The following DENND4B variants were observed in gnomAD, a reference collection of about 807,000 sequenced individuals.
DENND4B encodes the protein DENN domain-containing protein 4B.
In DENND4B, 67 loss-of-function variants were observed where a neutral mutation model predicts 161.0. The observed-to-expected ratio is 0.42, with a 90% CI of 0.34 to 0.51. DENND4B has a LOEUF of 0.51. Among genes scored for constraint, DENND4B ranks in the 20% least tolerant of loss-of-function variants. The pLI is 0.08. For synonymous variants in DENND4B, 753 were observed against 813.8 expected (o/e 0.93, Z 1.27); for missense variants, 1,481 against 1,968.0 (o/e 0.75, Z 4.68).
At position 153,939,716 on chromosome 1, in the gene DENND4B, G is replaced by A. The variant is rs369276649; in HGVS notation, c.1692C>T (p.Arg564=). 511 of 1,613,832 alleles carry A rather than the reference G, an allele frequency of 3.2e-4. No individual in the cohort carries two copies. The highest frequency in any genetic ancestry group is 3.7e-4 in the Non-Finnish European group (439 of 1,179,890). ...AGCGGAGGAAGGCTCCTTGGACTTC[G>A]CGCTCCAGCCGGGCCCTGCGGCCAC... ...AVCGRRARLE[R]EVQGAFLRFM... Residue 564 remains arginine, a synonymous_variant, in exon 12 of 28, where the codon CGC becomes CGT. Coordinates refer to ENST00000361217, the MANE Select transcript of DENND4B (RefSeq NM_014856.3).
chr1:153,931,680 G>T (rs1678945149), intron 24 of DENND4B, among the ~76,000 whole-genome samples: 1 of 149,652 alleles, frequency 6.7e-6, no homozygotes, highest in African/African-American at 2.5e-5. Flanking sequence ...TGTATTTTTA[G>T]TAACACGGGG....
chr1:153,938,826 A>AAT lies in DENND4B; in HGVS notation c.1965+73_1965+74insAT. 2.0e-6 allele frequency: 3 copies of AAT among 1,517,630 alleles called. No individual in the cohort carries two copies. In the South Asian group the frequency reaches 3.6e-5, roughly 18 times the overall value. 94.0% of individuals were successfully genotyped at this position (1,517,630 alleles called of 1,614,324 possible). A position where few individuals can be genotyped will look rare whatever the true frequency, so the allele number is the denominator to read the frequency against. ...ACCCTGAACATGCCCGATTCCGTCT[A>AAT]AAATGGCCTTGGGGCAACAGAGACA... On this transcript the variant is annotated intron_variant, in intron 13 of 27. Coordinates refer to ENST00000361217, the MANE Select transcript of DENND4B (RefSeq NM_014856.3).
Position 153,942,833 on chromosome 1 carries a change from C to G in DENND4B, c.570+45G>C. 1 of 1,561,334 alleles carries G rather than the reference C, an allele frequency of 6.4e-7. No individual in the cohort carries two copies. Among genetic ancestry groups the G allele is most frequent in the Non-Finnish European group, 8.7e-7 (1 of 1,149,716 alleles). On this transcript the variant is annotated intron_variant, in intron 3 of 27. Coordinates refer to ENST00000361217, the MANE Select transcript of DENND4B (RefSeq NM_014856.3). This position sits in a 1 kb window ranked among gnomAD's most constrained non-coding sequence, Gnocchi z 6.9. Reference sequence around the variant, plus strand: ...CCTTTGTTCCCAGTGTCCACACCCACTCTTACACCAAGAGGACCAGGTGTC... The same window carrying G: ...CCTTTGTTCCCAGTGTCCACACCCAGTCTTACACCAAGAGGACCAGGTGTC...
In DENND4B at chr1:153,936,320, C is replaced by G; in HGVS notation, c.2440-132G>C. 2 of 1,348,018 alleles carry G rather than the reference C, an allele frequency of 1.5e-6. No homozygotes were observed. The highest frequency in any genetic ancestry group is 2.0e-6 in the Non-Finnish European group (2 of 990,850). 83.5% of individuals were successfully genotyped at this position (1,348,018 alleles called of 1,614,324 possible). ...CCCCTGGCAGGTCCTGGGGCTACCT[C>G]AGAGCCACCCACCCTTTCTGCTGAC... On this transcript the variant is annotated intron_variant, in intron 16 of 27. Transcript: ENST00000361217. This position sits in a 1 kb window ranked among gnomAD's most constrained non-coding sequence, Gnocchi z 4.1.
rs1227022917 is a variant in DENND4B at position 153,938,701 on chromosome 1, CA to C, written c.1965+198del. Among the ~76,000 whole-genome samples, 980 of 105,916 alleles carry C rather than the reference CA, an allele frequency of 9.3e-3. 17 individuals are homozygous for C. Among genetic ancestry groups the C allele is most frequent in the Admixed American group, 0.051 (550 of 10,772 alleles). 69.5% of individuals were successfully genotyped at this position (105,916 alleles called of 152,430 possible). On this transcript the variant is annotated intron_variant, in intron 13 of 27. Coordinates refer to ENST00000361217, the MANE Select transcript of DENND4B (RefSeq NM_014856.3). ...TGGGCGACAGAGCAAGACTTCGTTTCAAAAAAAAAAAATGAAAAATAAGAAA... is the reference window on the plus strand; with the variant it reads ...TGGGCGACAGAGCAAGACTTCGTTTCAAAAAAAAAAATGAAAAATAAGAAA...
intron 12 of DENND4B, among the ~76,000 whole-genome samples, 182 bp downstream of exon 12, chr1:153,939,407 C>G (rs989399301): frequency 6.6e-6 from 1 of 152,060 alleles, no homozygotes; most frequent in African/African-American, 2.4e-5. Context: ...ATCTTTGTAC[C>G]CTGATTCCCC....
chr1:153,941,773 C>CCGGGCG, intron 6 of DENND4B, 96 bp downstream of exon 6: 1 of 1,426,302 alleles, frequency 7.0e-7, no homozygotes, highest in African/African-American at 1.4e-5. Flanking sequence ...ACCCTGTGCC[C>CCGGGCG]AGCCCTCCCC....
rs773471488 is a variant in DENND4B at position 153,930,618 on chromosome 1, G to C, written c.4281-15C>G. 1.2e-6 allele frequency: 2 copies of C among 1,613,862 alleles called. No homozygotes were observed. Among genetic ancestry groups the C allele is most frequent in the South Asian group, 2.2e-5 (2 of 91,084 alleles). On this transcript the variant is annotated splice_polypyrimidine_tract_variant and intron_variant, in intron 26 of 27. Transcript: ENST00000361217. This position sits in a 1 kb window ranked among gnomAD's most constrained non-coding sequence, Gnocchi z 4.7. Reference sequence around the variant, plus strand: ...GGTAGATTCCCCTTTAGTGGAGGCAGAAGTGTATGAGTGAGAGAAAAGGGG... The same window carrying C: ...GGTAGATTCCCCTTTAGTGGAGGCACAAGTGTATGAGTGAGAGAAAAGGGG...
chr1:153,939,931 C>T, intron 11 of DENND4B, 127 bp from the exon 12 acceptor site: 2 of 938,960 alleles, frequency 2.1e-6, no homozygotes, highest in East Asian at 2.6e-5. Context: ...TAAAGTATTA[C>T]CTTCAACTAA....
chr1:153,938,358 G>A (rs765417081), intron 13 of DENND4B, among the ~76,000 whole-genome samples: 1 of 149,370 alleles, frequency 6.7e-6, no homozygotes, highest in Non-Finnish European at 1.5e-5. Context: ...GCAGTGAGCC[G>A]ATATCGCGCC....
intron 24 of DENND4B, among the ~76,000 whole-genome samples, chr1:153,931,695 AC>A (rs1199148964): frequency 6.7e-6 from 1 of 150,120 alleles, no homozygotes; most frequent in Non-Finnish European, 1.5e-5. Context: ...ACGGGGTTTC[AC>A]CGTGTTAGCC....
Position 153,936,495 on chromosome 1 carries a change from A to G in DENND4B, c.2439+47T>C. ...CTCTCACAGCCCTCTCCAGCTGCAC[A>G]AGGCTCACTGGGCCTGGGTATGAGC... On this transcript the variant is annotated intron_variant, in intron 16 of 27. Transcript: ENST00000361217. This position sits in a 1 kb window ranked among gnomAD's most constrained non-coding sequence, Gnocchi z 4.1. 2 of 1,500,784 alleles carry G rather than the reference A, an allele frequency of 1.3e-6. No homozygotes were observed. The highest frequency in any genetic ancestry group is 2.6e-5 in the South Asian group (2 of 76,462). 93.0% of individuals were successfully genotyped at this position (1,500,784 alleles called of 1,614,324 possible).
At position 153,932,141 on chromosome 1, in the gene DENND4B, T is replaced by C. The variant is rs745566897; in HGVS notation, c.3996+63A>G. ...TCTTTCTACAGTGCCAAGGACACAG[T>C]GGACAAATGGCTGAGAGATGAGGGA... On this transcript the variant is annotated intron_variant, in intron 24 of 27. Transcript: ENST00000361217. The surrounding 1 kb of genome is among the most constrained non-coding windows in gnomAD (Gnocchi z 5.8). 290 of 1,452,360 alleles carry C rather than the reference T, an allele frequency of 2.0e-4. No individual in the cohort carries two copies. Among genetic ancestry groups the C allele is most frequent in the Non-Finnish European group, 2.7e-4 (285 of 1,055,402 alleles). 90.0% of individuals were successfully genotyped at this position (1,452,360 alleles called of 1,614,324 possible). A position where few individuals can be genotyped will look rare whatever the true frequency, so the allele number is the denominator to read the frequency against.
At position 153,937,248 on chromosome 1, in the gene DENND4B, T is replaced by A. The variant is rs978354344; in HGVS notation, c.2232+240A>T. On this transcript the variant is annotated intron_variant, in intron 15 of 27. Coordinates refer to ENST00000361217, the MANE Select transcript of DENND4B (RefSeq NM_014856.3). This position sits in a 1 kb window ranked among gnomAD's most constrained non-coding sequence, Gnocchi z 4.7. The stretch of plus-strand genomic sequence containing the variant: ...GCATGGGCAGGTGCCCTAGAAGACA[T>A]GGCCAGCCCCTGGATTCCCAGAGTG... Among the ~76,000 whole-genome samples the A allele has an allele frequency of 6.6e-6, 1 of 152,208 alleles. No homozygotes were observed. The highest frequency in any genetic ancestry group is 1.9e-4 in the East Asian group (1 of 5,196).
In DENND4B at chr1:153,944,202, C is replaced by G. The variant is rs746501151; in HGVS notation, c.173G>C (p.Gly58Ala). 41 of 1,610,750 alleles carry G rather than the reference C, an allele frequency of 2.5e-5. 1 individual carries two copies. The highest frequency in any genetic ancestry group is 5.0e-5 in the Admixed American group (3 of 59,436). Residue 58 changes from glycine to alanine, a missense_variant, in exon 2 of 28, where the codon GGC (glycine) becomes GCC (alanine). This residue lies in a region of DENND4B where 806 missense variants were observed against 1,134.4 expected (regional missense o/e 0.71). Transcript: ENST00000361217. This position sits in a 1 kb window ranked among gnomAD's most constrained non-coding sequence, Gnocchi z 4.8. The stretch of plus-strand genomic sequence containing the variant: ...TGTGTAGCCCTGGGGCACTTCCTCG[C>G]CCAGTGCCCTAGCGATGACTGCCAC... ...TDVAVIARAL[G>A]EEVPQGYTCI...
In DENND4B at chr1:153,938,975, T is replaced by C. The variant is rs753173072; in HGVS notation, c.1890A>G (p.Ser630=). ...CAAAAGAGCACTCCTCAATGAACTG[T>C]GAGAACATCTGTGTGTGCAGCAGCT... The part of the protein sequence containing the change: ...YSQLLHTQMF[S]QFIEECSFGS... The change falls in exon 13 of 28, where the codon TCA becomes TCG. Residue 630 remains serine (S), a synonymous_variant. Coordinates refer to ENST00000361217, the MANE Select transcript of DENND4B (RefSeq NM_014856.3). 4 of 1,611,384 alleles carry C rather than the reference T, an allele frequency of 2.5e-6. No homozygotes were observed. The South Asian group carries it at 3.3e-5, about 13-fold the overall frequency.
At position 153,931,070 on chromosome 1, in the gene DENND4B, G is replaced by T; in HGVS notation, c.3997-6C>A. 6.2e-7 allele frequency: 1 copy of T among 1,605,394 alleles called. No individual in the cohort carries two copies. Among genetic ancestry groups the T allele is most frequent in the East Asian group, 2.2e-5 (1 of 44,688 alleles). On this transcript the variant is annotated splice_polypyrimidine_tract_variant and splice_region_variant and intron_variant, in intron 24 of 27. Coordinates refer to ENST00000361217, the MANE Select transcript of DENND4B (RefSeq NM_014856.3). ...GTTAGCCAAGGAGATGGGGCCTGGGGGAGCCAAGATAGTGGAGACAGTTAG... is the reference window on the plus strand; with the variant it reads ...GTTAGCCAAGGAGATGGGGCCTGGGTGAGCCAAGATAGTGGAGACAGTTAG...
chr1:153,941,446 G>A lies in DENND4B; in HGVS notation c.1056-6C>T, dbSNP rs769553386. On this transcript the variant is annotated splice_polypyrimidine_tract_variant and splice_region_variant and intron_variant, in intron 6 of 27. Transcript: ENST00000361217. ...GAATGAAGTGGGAGATGTGCCTGGGGGACAGAGAAACAGGTCAGAGCATAC... is the reference window on the plus strand; with the variant it reads ...GAATGAAGTGGGAGATGTGCCTGGGAGACAGAGAAACAGGTCAGAGCATAC... 1 of 1,610,386 alleles carries A rather than the reference G, an allele frequency of 6.2e-7. No homozygotes were observed. The highest frequency in any genetic ancestry group is 8.5e-7 in the Non-Finnish European group (1 of 1,178,870).
Position 153,944,909 on chromosome 1 carries a change from A to C in DENND4B, c.-23-512T>G, listed in dbSNP as rs1410599748. On this transcript the variant is annotated intron_variant, in intron 1 of 27. Transcript: ENST00000361217. This position sits in a 1 kb window ranked among gnomAD's most constrained non-coding sequence, Gnocchi z 4.8. Reference sequence around the variant, plus strand: ...AAGAGGACCCCATGGGTTTCTGAGAAAGCCCACAAAACCCAAGCTTTAAGA... The same window carrying C: ...AAGAGGACCCCATGGGTTTCTGAGACAGCCCACAAAACCCAAGCTTTAAGA... 6.6e-6 allele frequency among the ~76,000 whole-genome samples: 1 copy of C among 152,186 alleles called. No homozygotes were observed. Among genetic ancestry groups the C allele is most frequent in the Non-Finnish European group, 1.5e-5 (1 of 68,046 alleles).
Sources: gnomAD v4.1 joint callset for allele counts (sites outside exome capture counted in the v4.1 genomes callset) on GRCh38, gnomAD v4.1.1 for gene constraint, gnomAD v4.1.1 regional missense constraint, Gnocchi (gnomAD v3.1) non-coding constraint, MANE v1.5 for transcripts, NCBI Gene and HGNC (gene_info 2026-07-23, HGNC 2026-07-21) for gene names.